The following BRINP2 variants were observed in gnomAD, a reference collection of about 807,000 sequenced individuals.
The protein encoded by BRINP2 is BMP/retinoic acid inducible neural specific 2.
In BRINP2, 21 loss-of-function variants were observed where a neutral mutation model predicts 69.2. The observed-to-expected ratio is 0.30, with a 90% CI of 0.22 to 0.44. BRINP2 has a LOEUF of 0.44. Ranked by LOEUF, BRINP2 falls within the 20% of genes least tolerant of loss-of-function variation. The probability of loss-of-function intolerance (pLI) is 1.00; values close to 1 mark genes in which losing one functional copy is unlikely to be tolerated. For missense variants in BRINP2, 877 were observed against 986.0 expected (o/e 0.89, Z 1.48); for synonymous variants, 380 against 394.1 (o/e 0.96, Z 0.42).
chr1:177,221,548 T>C (rs1273494595), intron 1 of BRINP2, among the ~76,000 whole-genome samples: 1 of 152,206 alleles, frequency 6.6e-6, no homozygotes, highest in East Asian at 1.9e-4. Flanking sequence ...CTGGATCCCA[T>C]CAGAATGTTG....
chr1:177,270,355 C>T (rs1571945544), intron 4 of BRINP2, among the ~76,000 whole-genome samples: 1 of 152,264 alleles, frequency 6.6e-6, no homozygotes, highest in East Asian at 1.9e-4. Context: ...ATCCTTGTGC[C>T]ACAATTAAAG....
intron 2 of BRINP2, among the ~76,000 whole-genome samples, chr1:177,235,026 C>T (rs1425250437): frequency 3.9e-5 from 6 of 152,162 alleles, no homozygotes; most frequent in Non-Finnish European, 8.8e-5. Flanking sequence ...ATAGCTTAGA[C>T]GTGAAGGAAG....
intron 1 of BRINP2, among the ~76,000 whole-genome samples, chr1:177,222,842 G>C (rs1423043124): frequency 6.6e-6 from 1 of 152,146 alleles, no homozygotes; most frequent in African/African-American, 2.4e-5. Flanking sequence ...AGCCGATCAG[G>C]GGAGCTCAGT....
rs1651705070 is a variant in BRINP2, at chr1:177,281,604, T to C, written c.*76T>C. ...TACAAAGATAATCTAAGCCCTCACC[T>C]TAGTGCCAACAGGGTGTGCTCCCAC... On this transcript the variant is annotated 3_prime_UTR_variant, in exon 8 of 8. Transcript: ENST00000361539. 1.3e-6 allele frequency: 2 copies of C among 1,489,676 alleles called. No homozygotes were observed. The highest frequency in any genetic ancestry group is 1.8e-6 in the Non-Finnish European group (2 of 1,120,572). The allele number at this position is 1,489,676 out of a possible 1,614,324, so 92.3% of individuals were successfully genotyped here.
At chr1:177,190,486 CCTT>C (rs1300766165) in intron 1 of BRINP2, among the ~76,000 whole-genome samples, 1 of 152,200 alleles carries the variant, frequency 6.6e-6, no homozygotes, top group African/African-American at 2.4e-5. Context: ...GCAAAAATCT[CCTT>C]CTTCCCTTCT....
chr1:177,256,672 A>ATC (rs1650770305), intron 3 of BRINP2: 1 of 1,039,990 alleles, frequency 9.6e-7, no homozygotes, highest in Middle Eastern at 4.8e-4. Flanking sequence ...CCCTGGGAAG[A>ATC]AGGAAGCAGG....
chr1:177,205,230 T>A lies in BRINP2; in HGVS notation c.-76-24571T>A, dbSNP rs550470689. ...ATGATCTCGGCTCACAATCTCCACC[T>A]CCTGGGTTCAAGCAATTCTACTGCC... On this transcript the variant is annotated intron_variant, in intron 1 of 7. Transcript: ENST00000361539. 1.5e-3 allele frequency among the ~76,000 whole-genome samples: 226 copies of A among 152,190 alleles called. 1 individual carries two copies. The highest frequency in any genetic ancestry group is 5.2e-3 in the African/African-American group (216 of 41,534).
At chr1:177,206,145 A>G (rs1028293596) in intron 1 of BRINP2, among the ~76,000 whole-genome samples, 1 of 152,104 alleles carries the variant, frequency 6.6e-6, no homozygotes, top group African/African-American at 2.4e-5. Flanking sequence ...GCATCAACCC[A>G]CCAGCCTTGA....
At chr1:177,184,695 G>A (rs970968972) in intron 1 of BRINP2, among the ~76,000 whole-genome samples, 2 of 150,678 alleles carry the variant, frequency 1.3e-5, no homozygotes, top group African/African-American at 4.9e-5. Context: ...TCAATACTGA[G>A]CACAGGGAAG....
chr1:177,211,129 C>G (rs1047454142), intron 1 of BRINP2, among the ~76,000 whole-genome samples: 1 of 151,826 alleles, frequency 6.6e-6, no homozygotes, highest in Non-Finnish European at 1.5e-5. Flanking sequence ...TGTCTTACAA[C>G]GTCTAAGGTA....
intron 1 of BRINP2, among the ~76,000 whole-genome samples, chr1:177,198,935 T>C (rs900408761): frequency 2.6e-5 from 4 of 152,122 alleles, no homozygotes; most frequent in African/African-American, 7.2e-5. Flanking sequence ...ATGTCTCCCT[T>C]CCTAACCCTG....
chr1:177,204,084 GGT>G (rs1329481217), intron 1 of BRINP2, among the ~76,000 whole-genome samples: 1 of 152,124 alleles, frequency 6.6e-6, no homozygotes, highest in East Asian at 1.9e-4. Context: ...TACAGACATT[GGT>G]GTGTTTTATG....
intron 1 of BRINP2, among the ~76,000 whole-genome samples, chr1:177,210,694 C>T (rs375431876): frequency 1.3e-4 from 20 of 151,756 alleles, no homozygotes; most frequent in East Asian, 7.7e-4. Flanking sequence ...TTTAAGTATT[C>T]TTGGAGTAAC....
Position 177,272,374 on chromosome 1 carries a change from C to T in BRINP2, c.670-1114C>T, listed in dbSNP as rs114734938. On this transcript the variant is annotated intron_variant, in intron 4 of 7. Transcript: ENST00000361539. ...TACATTGTTGCACACACCTCCCTAC[C>T]CTGAAAAGCCTGGAATGTATTATAC... 9.8e-4 allele frequency among the ~76,000 whole-genome samples: 150 copies of T among 152,322 alleles called. 1 individual carries two copies. The highest frequency in any genetic ancestry group is 3.6e-3 in the African/African-American group (148 of 41,574).
At chr1:177,272,536 T>C (rs886191864) in intron 4 of BRINP2, among the ~76,000 whole-genome samples, 3 of 152,246 alleles carry the variant, frequency 2.0e-5, no homozygotes, top group African/African-American at 7.2e-5. Flanking sequence ...ATGGATCACA[T>C]ACTTGCAGAA....
chr1:177,211,651 C>G, intron 1 of BRINP2, among the ~76,000 whole-genome samples: 1 of 152,156 alleles, frequency 6.6e-6, no homozygotes, highest in East Asian at 1.9e-4. Flanking sequence ...AGGACTATCA[C>G]AGAAGTGATT....
chr1:177,209,959 G>T (rs1454421350), intron 1 of BRINP2, among the ~76,000 whole-genome samples: 1 of 152,128 alleles, frequency 6.6e-6, no homozygotes, highest in African/African-American at 2.4e-5. Context: ...AAATTCATTT[G>T]CAATACTTTT....
At chr1:177,235,717 A>G (rs12758156) in intron 2 of BRINP2, among the ~76,000 whole-genome samples, 33,811 of 152,204 alleles carry the variant, frequency 0.22, 4,082 homozygotes, top group African/African-American at 0.25. Flanking sequence ...ATAAATAAAC[A>G]GCAACCAAAG....
chr1:177,241,363 T>G (rs1057091459), intron 2 of BRINP2, among the ~76,000 whole-genome samples: 23 of 152,180 alleles, frequency 1.5e-4, no homozygotes, highest in African/African-American at 5.5e-4. Flanking sequence ...CTTCCCTTAT[T>G]GGTCCTGATT....
Sources: gnomAD v4.1 joint callset for allele counts (sites outside exome capture counted in the v4.1 genomes callset) on GRCh38, gnomAD v4.1.1 for gene constraint, MANE v1.5 for transcripts, NCBI Gene and HGNC (gene_info 2026-07-23, HGNC 2026-07-21) for gene names.